The following GRIK2 variants were observed in gnomAD, a reference collection of about 807,000 sequenced individuals.
GRIK2 encodes the protein glutamate receptor ionotropic, kainate 2.
GRIK2 carries 32 observed loss-of-function variants against 100.3 expected under a neutral mutation model. The observed-to-expected ratio is 0.32, with a 90% CI of 0.24 to 0.43. The LOEUF is 0.43. Among genes scored for constraint, GRIK2 ranks in the 20% least tolerant of loss-of-function variants. GRIK2 has a pLI of 1.00. For missense variants in GRIK2, 843 were observed against 1,114.9 expected (o/e 0.76, Z 3.47); for synonymous variants, 417 against 389.4 (o/e 1.07, Z -0.83).
At chr6:101,822,405 A>T (rs1238451218) in intron 10 of GRIK2, among the ~76,000 whole-genome samples, 2 of 151,972 alleles carry the variant, frequency 1.3e-5, no homozygotes, top group Non-Finnish European at 2.9e-5. Context: ...GAGTTTGAGG[A>T]GGAATTAGCA....
chr6:101,420,103 A>G (rs895507877), intron 2 of GRIK2, among the ~76,000 whole-genome samples: 4 of 152,234 alleles, frequency 2.6e-5, no homozygotes, highest in Non-Finnish European at 5.9e-5. Flanking sequence ...GTACAATGCA[A>G]GTGTTTTTCA....
intron 7 of GRIK2, among the ~76,000 whole-genome samples, chr6:101,686,590 AC>A (rs1317574315): frequency 2.6e-5 from 4 of 152,168 alleles, no homozygotes; most frequent in Admixed American, 1.3e-4. Flanking sequence ...TCACCAGGGT[AC>A]TACAACATAG....
At chr6:101,400,432 G>T (rs1056084211) in intron 2 of GRIK2, among the ~76,000 whole-genome samples, 4 of 152,164 alleles carry the variant, frequency 2.6e-5, no homozygotes, top group African/African-American at 9.7e-5. Context: ...GTTCCCTAAA[G>T]CAGATAAGAG....
chr6:102,014,312 T>C (rs550024729), intron 14 of GRIK2, among the ~76,000 whole-genome samples: 2 of 152,126 alleles, frequency 1.3e-5, no homozygotes, highest in Non-Finnish European at 2.9e-5. Flanking sequence ...TTTCTCATTG[T>C]GGCTATTTGG....
intron 14 of GRIK2, among the ~76,000 whole-genome samples, chr6:101,953,342 T>G (rs1791719615): frequency 6.6e-6 from 1 of 152,194 alleles, no homozygotes; most frequent in Admixed American, 6.5e-5. Flanking sequence ...AAAATCAAAC[T>G]ACTTTCTAAA....
At chr6:101,673,894 A>G (rs982751383) in intron 4 of GRIK2, among the ~76,000 whole-genome samples, 85 of 152,334 alleles carry the variant, frequency 5.6e-4, no homozygotes, top group African/African-American at 2.0e-3. Flanking sequence ...TGGGCAAATG[A>G]CATGAAAAGA....
chr6:102,027,292 A>G (rs1431513122), intron 14 of GRIK2, among the ~76,000 whole-genome samples: 1 of 151,254 alleles, frequency 6.6e-6, no homozygotes, highest in Non-Finnish European at 1.5e-5. Flanking sequence ...GCTTTTAGCA[A>G]TTTTACTGTA....
chr6:101,750,704 G>A lies in GRIK2; in HGVS notation c.952-48944G>A, dbSNP rs146451006. Among the ~76,000 whole-genome samples, 209 of 149,250 alleles carry A rather than the reference G, an allele frequency of 1.4e-3. 1 individual carries two copies. The highest frequency in any genetic ancestry group is 3.9e-3 in the African/African-American group (162 of 41,394). On this transcript the variant is annotated intron_variant, in intron 7 of 16. Coordinates refer to ENST00000369134, the MANE Select transcript of GRIK2 (RefSeq NM_021956.5). ...CTGACTCCTTGATTTGGGAAAGTTA[G>A]TAGCTGAATGCTCAGAGAGAGAGAG...
chr6:101,771,018 A>C (rs1170084573), intron 7 of GRIK2, among the ~76,000 whole-genome samples: 5 of 152,140 alleles, frequency 3.3e-5, no homozygotes, highest in Admixed American at 3.3e-4. Context: ...TAGTACTTTA[A>C]TATGTATAAT....
chr6:101,619,208 C>G (rs1297556311), intron 2 of GRIK2, among the ~76,000 whole-genome samples: 1 of 150,936 alleles, frequency 6.6e-6, no homozygotes, highest in Non-Finnish European at 1.5e-5. Context: ...TGATTTATCT[C>G]TTTTCTTTAG....
At chr6:101,568,103 G>C (rs190392075) in intron 2 of GRIK2, among the ~76,000 whole-genome samples, 1 of 151,958 alleles carries the variant, frequency 6.6e-6, no homozygotes, top group East Asian at 1.9e-4. Flanking sequence ...AAAAAAAGAA[G>C]TACTTTTGTG....
intron 7 of GRIK2, among the ~76,000 whole-genome samples, chr6:101,793,945 G>T (rs529461552): frequency 6.6e-6 from 1 of 152,108 alleles, no homozygotes; most frequent in Non-Finnish European, 1.5e-5. Context: ...TCCCTGCCGC[G>T]TTGCAGTTTG....
intron 7 of GRIK2, among the ~76,000 whole-genome samples, chr6:101,690,602 C>T (rs1357763048): frequency 1.3e-5 from 2 of 151,990 alleles, no homozygotes; most frequent in Non-Finnish European, 2.9e-5. Context: ...CTCATGGCTC[C>T]TCATCATTTA....
intron 10 of GRIK2, 121 bp from the exon 11 acceptor site, chr6:101,859,166 A>C: frequency 1.7e-6 from 1 of 585,274 alleles, no homozygotes; most frequent in Non-Finnish European, 3.0e-6. Flanking sequence ...TTAGAAGAAA[A>C]TAAAGTTGAC....
chr6:101,429,935 C>T (rs2128242555), intron 2 of GRIK2, among the ~76,000 whole-genome samples: 1 of 152,226 alleles, frequency 6.6e-6, no homozygotes, highest in African/African-American at 2.4e-5. Context: ...AGGAAAACAC[C>T]AGGTAAGAAA....
chr6:102,022,792 G>C (rs1769498722), intron 14 of GRIK2, among the ~76,000 whole-genome samples: 1 of 151,340 alleles, frequency 6.6e-6, no homozygotes, highest in South Asian at 2.1e-4. Flanking sequence ...AGAGCAAATG[G>C]GTAGAAAACT....
chr6:101,567,021 G>A (rs917677671), intron 2 of GRIK2, among the ~76,000 whole-genome samples: 1 of 151,002 alleles, frequency 6.6e-6, no homozygotes, highest in Non-Finnish European at 1.5e-5. Context: ...ATTTCTTTGG[G>A]AGACATTTTA....
intron 2 of GRIK2, among the ~76,000 whole-genome samples, chr6:101,581,228 T>C (rs9498629): frequency 8.2e-6 from 1 of 121,396 alleles, no homozygotes; most frequent in African/African-American, 4.1e-5. Flanking sequence ...TCACACACAC[T>C]CACACACATA....
chr6:101,937,418 CAT>C (rs1790684376), intron 14 of GRIK2, among the ~76,000 whole-genome samples: 1 of 152,110 alleles, frequency 6.6e-6, no homozygotes, highest in Admixed American at 6.6e-5. Flanking sequence ...GTTGAGCTAA[CAT>C]GTCAAGTGCT....
Sources: gnomAD v4.1 joint callset for allele counts (sites outside exome capture counted in the v4.1 genomes callset) on GRCh38, gnomAD v4.1.1 for gene constraint, MANE v1.5 for transcripts, NCBI Gene and HGNC (gene_info 2026-07-23, HGNC 2026-07-21) for gene names.